Variants in LMX1A observed in about 807,000 individuals in gnomAD.
LMX1A encodes the protein LIM homeobox transcription factor 1 alpha.
A neutral mutation model predicts 49.1 loss-of-function variants in LMX1A; 15 were observed. The ratio of observed to expected loss-of-function variants is 0.31; its 90% CI spans 0.20 to 0.47. The LOEUF (loss-of-function observed/expected upper bound fraction) is 0.47. Among genes scored for constraint, LMX1A ranks in the 20% least tolerant of loss-of-function variants. The pLI is 1.00. For synonymous variants in LMX1A, 167 were observed against 185.7 expected, an observed-to-expected ratio of 0.90 and a Z score of 0.82; for missense variants, 372 against 475.8, an observed-to-expected ratio of 0.78 and a Z score of 2.03.
intron 3 of LMX1A, among the ~76,000 whole-genome samples, chr1:165,273,010 C>T (rs1653853011): frequency 6.6e-6 from 1 of 152,092 alleles, no homozygotes; most frequent in African/African-American, 2.4e-5. Context: ...CCCATCTGTC[C>T]CAGAAGAAGC....
chr1:165,269,424 C>G (rs754386023), intron 3 of LMX1A, among the ~76,000 whole-genome samples: 20 of 152,206 alleles, frequency 1.3e-4, no homozygotes, highest in Admixed American at 3.3e-4. Flanking sequence ...TCAACCCTCT[C>G]CAGTAGAACT....
intron 3 of LMX1A, among the ~76,000 whole-genome samples, chr1:165,289,224 C>CT (rs1198247895): frequency 7.8e-6 from 1 of 127,660 alleles, no homozygotes; most frequent in African/African-American, 3.0e-5. Flanking sequence ...TGCTCAAGTG[C>CT]TTTTCTCTGA....
At chr1:165,316,325 G>A (rs1655226823) in intron 3 of LMX1A, among the ~76,000 whole-genome samples, 1 of 152,222 alleles carries the variant, frequency 6.6e-6, no homozygotes, top group African/African-American at 2.4e-5. Flanking sequence ...GGGGAGGGCA[G>A]AGCAGAGAGG....
chr1:165,319,041 ACC>A (rs559245798), intron 3 of LMX1A, among the ~76,000 whole-genome samples: 41,569 of 133,346 alleles, frequency 0.31, 6,095 homozygotes, highest in Non-Finnish European at 0.34. Flanking sequence ...ACACACACAC[ACC>A]CCAACTTCTT....
chr1:165,228,968 TAA>T (rs1652146236), intron 4 of LMX1A, among the ~76,000 whole-genome samples: 2 of 152,060 alleles, frequency 1.3e-5, no homozygotes, highest in South Asian at 4.1e-4. Context: ...ACCAAACAAT[TAA>T]AGAGACAGGT....
intron 4 of LMX1A, among the ~76,000 whole-genome samples, chr1:165,248,792 T>C (rs1430940128): frequency 2.0e-5 from 3 of 152,214 alleles, no homozygotes; most frequent in Non-Finnish European, 2.9e-5. Context: ...TCCTCTTTAA[T>C]AGTATTATGT....
intron 3 of LMX1A, among the ~76,000 whole-genome samples, chr1:165,336,441 C>A (rs779030932): frequency 4.7e-4 from 72 of 152,194 alleles, no homozygotes; most frequent in Non-Finnish European, 9.0e-4. Flanking sequence ...ATCAGCATCA[C>A]TGGATTTTTC....
chr1:165,230,809 TGGCTCA>T (rs1652214240), intron 4 of LMX1A, among the ~76,000 whole-genome samples: 1 of 152,220 alleles, frequency 6.6e-6, no homozygotes, highest in African/African-American at 2.4e-5. Flanking sequence ...TCAAGTCTCT[TGGCTCA>T]GGTCCAGTGC....
At chr1:165,223,224 T>C (rs1182693231) in intron 4 of LMX1A, among the ~76,000 whole-genome samples, 3 of 152,350 alleles carry the variant, frequency 2.0e-5, no homozygotes, top group South Asian at 4.1e-4. Flanking sequence ...ATGAACACAG[T>C]ACAGACACAG....
intron 7 of LMX1A, among the ~76,000 whole-genome samples, chr1:165,207,074 G>A (rs1651115859): frequency 6.6e-6 from 1 of 152,188 alleles, no homozygotes; most frequent in Non-Finnish European, 1.5e-5. Context: ...CCACAGACTA[G>A]CAGCAATGGC....
intron 4 of LMX1A, among the ~76,000 whole-genome samples, chr1:165,236,892 T>C (rs1652469324): frequency 6.6e-6 from 1 of 151,216 alleles, no homozygotes; most frequent in African/African-American, 2.4e-5. Context: ...ACAAGTCTTA[T>C]AGGGTAAATA....
chr1:165,277,669 T>G (rs1236771784), intron 3 of LMX1A, among the ~76,000 whole-genome samples: 1 of 152,228 alleles, frequency 6.6e-6, no homozygotes, highest in Non-Finnish European at 1.5e-5. Context: ...CTGTCAGTGC[T>G]GGCCACAGGC....
intron 3 of LMX1A, among the ~76,000 whole-genome samples, chr1:165,292,072 A>AC (rs940491271): frequency 2.6e-5 from 4 of 151,394 alleles, no homozygotes; most frequent in Non-Finnish European, 5.9e-5. Context: ...AAAAAAAAAA[A>AC]AAAAAAAAAA....
In LMX1A at chr1:165,355,600, G is replaced by C. The variant is rs377691390; in HGVS notation, c.-22-19C>G. ...GGAGGACCTGTAGAGGAGAAGAAAC[G>C]ATGCGTCTGACGTCCGTGCCCGCTG... On this transcript the variant is annotated intron_variant, in intron 1 of 8. Transcript: ENST00000342310. The surrounding 1 kb of genome is among the most constrained non-coding windows in gnomAD (Gnocchi z 4.7). The C allele has an allele frequency of 1.9e-6, 3 of 1,590,112 alleles. No homozygotes were observed. The highest frequency in any genetic ancestry group is 1.1e-5 in the South Asian group (1 of 89,124).
intron 3 of LMX1A, among the ~76,000 whole-genome samples, chr1:165,325,519 A>G (rs1655551479): frequency 6.6e-6 from 1 of 151,960 alleles, no homozygotes; most frequent in African/African-American, 2.4e-5. Flanking sequence ...CAAGCTATCC[A>G]GTGCCCCCAA....
intron 7 of LMX1A, chr1:165,207,365 C>T (rs182469433): frequency 1.3e-5 from 2 of 152,202 alleles, no homozygotes; most frequent in Middle Eastern, 3.4e-3. Context: ...CCTCTTCACC[C>T]TCCTCCCTAA....
At chr1:165,326,434 C>A (rs944438839) in intron 3 of LMX1A, among the ~76,000 whole-genome samples, 1 of 152,174 alleles carries the variant, frequency 6.6e-6, no homozygotes, top group East Asian at 1.9e-4. Flanking sequence ...GCTTTCTTTC[C>A]CTTTGGAGGA....
chr1:165,342,510 G>T (rs1656106009), intron 3 of LMX1A, among the ~76,000 whole-genome samples: 1 of 152,036 alleles, frequency 6.6e-6, no homozygotes, highest in African/African-American at 2.4e-5. Context: ...GGGGCTGGGG[G>T]GAAGAAGAGC....
chr1:165,323,296 C>T (rs1374585326), intron 3 of LMX1A, among the ~76,000 whole-genome samples: 1 of 152,176 alleles, frequency 6.6e-6, no homozygotes, highest in African/African-American at 2.4e-5. Flanking sequence ...AATTATAAAG[C>T]ACCAAATCTA....
Sources: allele counts gnomAD v4.1 joint callset (sites outside exome capture counted in the v4.1 genomes callset), GRCh38; gene constraint gnomAD v4.1.1; non-coding constraint Gnocchi (gnomAD v3.1); transcripts MANE v1.5; gene names NCBI Gene and HGNC (gene_info 2026-07-23, HGNC 2026-07-21).